LPP: variants seen among roughly 807,000 people sequenced by gnomAD.
LPP encodes the protein lipoma-preferred partner.
Under a neutral mutation model 60.4 loss-of-function variants are expected in LPP, and 38 were observed. The ratio of observed to expected loss-of-function variants is 0.63; its 90% CI spans 0.49 to 0.83. LPP has a LOEUF of 0.83. LPP is among the 40% of genes least tolerant of loss of function. The pLI is 0.00. For missense variants in LPP, 902 were observed against 783.6 expected (o/e 1.15, Z -1.80); for synonymous variants, 328 against 290.8 (o/e 1.13, Z -1.30).
rs1342207321 is a variant in LPP, at chr3:188,495,082, A to ATAT, written c.306+10379_306+10380insATT. ...CAGGATTTTATATATATATATATATATTTTATTTATATTTTATTATATATT... is the reference window on the plus strand; with the variant it reads ...CAGGATTTTATATATATATATATATATATTTTTATTTATATTTTATTATATATT... On this transcript the variant is annotated intron_variant, in intron 5 of 11. Coordinates refer to ENST00000617246, the MANE Select transcript of LPP (RefSeq NM_001375462.1). Among the ~76,000 whole-genome samples, 9 of 97,226 alleles carry ATAT rather than the reference A, an allele frequency of 9.3e-5. 1 individual carries two copies. The highest frequency in any genetic ancestry group is 3.2e-4 in the African/African-American group (8 of 25,062). The allele number at this position is 97,226 out of a possible 152,430, so 63.8% of individuals were successfully genotyped here.
At chr3:188,263,891 C>T (rs1255611818) in intron 2 of LPP, among the ~76,000 whole-genome samples, 1 of 152,228 alleles carries the variant, frequency 6.6e-6, no homozygotes, top group African/African-American at 2.4e-5. Flanking sequence ...CCAAATCTTA[C>T]GCATTCTTTT....
intron 9 of LPP, among the ~76,000 whole-genome samples, chr3:188,842,429 T>C (rs2151751298): frequency 6.6e-6 from 1 of 152,322 alleles, no homozygotes; most frequent in South Asian, 2.1e-4. Flanking sequence ...TATTAATCTC[T>C]TGTCAAATGG....
In LPP at chr3:188,884,190, G is replaced by A. The variant is rs1770395054; in HGVS notation, c.*9711G>A. ...TAGTACCCCTATTCTAGAAGAGAAA[G>A]CTGAGGCTCAAGCCATTAAGTGACT... On this transcript the variant is annotated 3_prime_UTR_variant, in exon 12 of 12. Coordinates refer to ENST00000617246, the MANE Select transcript of LPP (RefSeq NM_001375462.1). The A allele has an allele frequency of 4.4e-6, 1 of 228,638 alleles. No individual in the cohort carries two copies. Among genetic ancestry groups the A allele is most frequent in the Admixed American group, 5.7e-5 (1 of 17,620 alleles). 14.2% of individuals were successfully genotyped at this position (228,638 alleles called of 1,614,324 possible).
chr3:188,208,467 G>C (rs559381360), intron 1 of LPP: 1 of 152,296 alleles, frequency 6.6e-6, no homozygotes, highest in South Asian at 2.1e-4. Context: ...GAAATACCTT[G>C]TGCCCTTGAT....
chr3:188,702,067 A>G (rs1281955003), intron 7 of LPP, among the ~76,000 whole-genome samples: 1 of 147,170 alleles, frequency 6.8e-6, no homozygotes, highest in Non-Finnish European at 1.5e-5. Context: ...CTTCTGCCTC[A>G]GCCTCCAGAG....
At chr3:188,670,515 T>TGTCTTCTCCACTGTTATTC (rs1312441644) in intron 7 of LPP, among the ~76,000 whole-genome samples, 9 of 152,048 alleles carry the variant, frequency 5.9e-5, no homozygotes, top group African/African-American at 2.2e-4. Flanking sequence ...TTCTGTTATT[T>TGTCTTCTCCACTGTTATTC]GTCTTCTCCA....
At chr3:188,842,170 T>C (rs1210968692) in intron 9 of LPP, among the ~76,000 whole-genome samples, 2 of 152,180 alleles carry the variant, frequency 1.3e-5, no homozygotes, top group Non-Finnish European at 2.9e-5. Flanking sequence ...ATTTGTTTTT[T>C]CCAGAAGACA....
intron 7 of LPP, among the ~76,000 whole-genome samples, chr3:188,648,489 G>A (rs1266935302): frequency 6.6e-6 from 1 of 152,130 alleles, no homozygotes; most frequent in African/African-American, 2.4e-5. Flanking sequence ...GGAACCATGA[G>A]CTGTTCATGT....
chr3:188,703,197 C>T lies in LPP; in HGVS notation c.1114-5070C>T, dbSNP rs150864598. 7.3e-3 allele frequency among the ~76,000 whole-genome samples: 1,108 copies of T among 152,258 alleles called. 4 individuals carry two copies. Among genetic ancestry groups the T allele is most frequent in the Non-Finnish European group, 0.011 (722 of 68,016 alleles). Reference sequence around the variant, plus strand: ...ACTCACACTTCTACTTCTGAAGAAACGAGAAACAAAAATAACACAAACTAT... The same window carrying T: ...ACTCACACTTCTACTTCTGAAGAAATGAGAAACAAAAATAACACAAACTAT... On this transcript the variant is annotated intron_variant, in intron 7 of 11. Transcript: ENST00000617246.
chr3:188,203,578 AATAT>A (rs546311065), intron 1 of LPP, among the ~76,000 whole-genome samples: 1 of 96,204 alleles, frequency 1.0e-5, no homozygotes, highest in Non-Finnish European at 2.0e-5. Flanking sequence ...TATATATTTA[AATAT>A]ATATATATTT....
chr3:188,637,722 A>AGT (rs1365751227), intron 7 of LPP, among the ~76,000 whole-genome samples: 3 of 152,340 alleles, frequency 2.0e-5, no homozygotes, highest in East Asian at 1.9e-4. Flanking sequence ...ACCATCAGAG[A>AGT]AACCTACAAA....
chr3:188,409,789 A>G (rs1578685459), intron 4 of LPP, among the ~76,000 whole-genome samples: 1 of 152,196 alleles, frequency 6.6e-6, no homozygotes, highest in Non-Finnish European at 1.5e-5. Flanking sequence ...TCAACCACAA[A>G]TGCAGAAAGT....
chr3:188,648,064 A>G (rs551814082), intron 7 of LPP, among the ~76,000 whole-genome samples: 1 of 152,324 alleles, frequency 6.6e-6, no homozygotes, highest in South Asian at 2.1e-4. Flanking sequence ...TTTTTGGACA[A>G]TAGAACACTA....
chr3:188,337,556 A>G (rs924697680), intron 2 of LPP, among the ~76,000 whole-genome samples: 5 of 152,262 alleles, frequency 3.3e-5, no homozygotes, highest in East Asian at 1.9e-4. Context: ...TCTATTCTCT[A>G]TGTGGTCATT....
intron 1 of LPP, among the ~76,000 whole-genome samples, chr3:188,190,965 C>T (rs1381948402): frequency 1.3e-5 from 2 of 152,252 alleles, no homozygotes; most frequent in Non-Finnish European, 2.9e-5. Context: ...GGCGTGGTGG[C>T]TCACGCCTGT....
chr3:188,527,391 G>A (rs985313736), intron 6 of LPP, among the ~76,000 whole-genome samples: 1 of 147,432 alleles, frequency 6.8e-6, no homozygotes, highest in African/African-American at 2.5e-5. Context: ...AAGTCTGGTA[G>A]TTTCCTACAG....
intron 9 of LPP, among the ~76,000 whole-genome samples, chr3:188,864,000 C>T (rs9876347): frequency 0.44 from 65,443 of 149,486 alleles, 15,078 homozygotes; most frequent in East Asian, 0.84. Flanking sequence ...GAGCAAAACA[C>T]AAGTCCTGGG....
At chr3:188,692,303 T>G (rs1357020775) in intron 7 of LPP, among the ~76,000 whole-genome samples, 6 of 152,182 alleles carry the variant, frequency 3.9e-5, no homozygotes, top group African/African-American at 1.4e-4. Flanking sequence ...ACTGACATCT[T>G]CATGCACAGC....
At chr3:188,242,639 C>A (rs1725389231) in intron 2 of LPP, among the ~76,000 whole-genome samples, 1 of 152,154 alleles carries the variant, frequency 6.6e-6, no homozygotes, top group Non-Finnish European at 1.5e-5. Flanking sequence ...ATCACTTCTC[C>A]TTTCTGGGTC....
Sources: allele counts gnomAD v4.1 joint callset (sites outside exome capture counted in the v4.1 genomes callset), GRCh38; gene constraint gnomAD v4.1.1; transcripts MANE v1.5; gene names NCBI Gene and HGNC (gene_info 2026-07-23, HGNC 2026-07-21).